Variants in UFD1 observed in about 807,000 individuals in gnomAD.
The protein encoded by UFD1 is ubiquitin recognition factor in ER-associated degradation protein 1.
In UFD1, 13 loss-of-function variants were observed where a neutral mutation model predicts 45.9. That is an observed-to-expected ratio of 0.28 (90% CI 0.18 to 0.45). The LOEUF is 0.45. Among genes scored for constraint, UFD1 ranks in the 20% least tolerant of loss-of-function variants. The probability of loss-of-function intolerance (pLI) is 1.00; values close to 1 mark genes in which losing one functional copy is unlikely to be tolerated. For missense variants in UFD1, 218 were observed against 389.2 expected (o/e 0.56, Z 3.70); for synonymous variants, 128 against 139.2 (o/e 0.92, Z 0.56).
intron 11 of UFD1, chr22:19,451,059 G>A (rs1601883117): frequency 2.6e-5 from 27 of 1,027,292 alleles, no homozygotes; most frequent in Middle Eastern, 4.8e-4. Context: ...GGGCCATAGT[G>A]AGCTATGATT....
rs991022431 is a variant in UFD1, at chr22:19,455,787, A to G, written c.679-19T>C. 6.2e-7 allele frequency: 1 copy of G among 1,612,204 alleles called. No homozygotes were observed. The highest frequency in any genetic ancestry group is 8.5e-7 in the Non-Finnish European group (1 of 1,178,292). ...AGAAAGCCTAGACAGGAAGTAGGTG[A>G]GTCATATAATAAGCCCAAGTGTGAG... On this transcript the variant is annotated intron_variant, in intron 9 of 11. Coordinates refer to ENST00000263202, the MANE Select transcript of UFD1 (RefSeq NM_005659.7).
At chr22:19,474,242 G>A (rs551474142) in intron 3 of UFD1, among the ~76,000 whole-genome samples, 141 of 152,232 alleles carry the variant, frequency 9.3e-4, no homozygotes, top group Non-Finnish European at 1.8e-3. Context: ...TGGTGCACTG[G>A]AGATTAGAAA....
rs1380623295 is a variant in UFD1 at position 19,475,524 on chromosome 22, C to G, written c.82G>C (p.Val28Leu). 6.2e-7 allele frequency: 1 copy of G among 1,614,156 alleles called. No individual in the cohort carries two copies. Among genetic ancestry groups the G allele is most frequent in the Non-Finnish European group, 8.5e-7 (1 of 1,180,028 alleles). ...TCATTAGGCCCTGCTAGCATGGACA[C>G]AGAGAAGCAGCGGTACTGTGTGGAG... Reference protein sequence around the residue: ...RFSTQYRCFSVSMLAGPNDRS... With the variant: ...RFSTQYRCFSLSMLAGPNDRS... The change falls in exon 2 of 12, where the codon GTG becomes CTG. Residue 28 changes from valine to leucine, a missense_variant. By Grantham distance (32) the Val-to-Leu change is conservative (BLOSUM62 1). Around this residue, in one of 2 missense-constraint regions of UFD1, gnomAD observed 149 missense variants for 307.5 expected, o/e 0.48. Coordinates refer to ENST00000263202, the MANE Select transcript of UFD1 (RefSeq NM_005659.7).
chr22:19,471,625 G>A (rs1251906281), intron 4 of UFD1, 62 bp downstream of exon 4: 42 of 1,587,060 alleles, frequency 2.6e-5, no homozygotes, highest in Admixed American at 1.7e-4. Flanking sequence ...CAGGACTCTC[G>A]AGTGCAGGAG....
chr22:19,456,473 G>A, intron 9 of UFD1, 114 bp downstream of exon 9: 1 of 1,415,176 alleles, frequency 7.1e-7, no homozygotes, highest in African/African-American at 1.4e-5. Flanking sequence ...CAGGTACCCA[G>A]AGGCCTAACC....
At chr22:19,458,856 C>G (rs1456521465) in intron 6 of UFD1, among the ~76,000 whole-genome samples, 4 of 152,222 alleles carry the variant, frequency 2.6e-5, no homozygotes, top group Non-Finnish European at 4.4e-5. Context: ...TATGATGGAA[C>G]CAAGTCCCAT....
At chr22:19,456,436 T>C in intron 9 of UFD1, 151 bp downstream of exon 9, 1 of 1,005,284 alleles carries the variant, frequency 9.9e-7, no homozygotes, top group Admixed American at 1.9e-5. Flanking sequence ...GTTTGGTAAC[T>C]GAGCGAGTGG....
chr22:19,471,584 G>A, intron 4 of UFD1, 103 bp downstream of exon 4: 1 of 1,502,158 alleles, frequency 6.7e-7, no homozygotes, highest in Non-Finnish European at 9.0e-7. Flanking sequence ...CGCTGAGCAG[G>A]AGGAGTAGGC....
At chr22:19,468,025 A>G in intron 4 of UFD1, 22 bp from the exon 5 acceptor site, 1 of 1,613,468 alleles carries the variant, frequency 6.2e-7, no homozygotes, top group South Asian at 1.1e-5. Context: ...AAGAGGCTAC[A>G]TGAGACTCCT....
chr22:19,460,080 C>T (rs548703945), intron 6 of UFD1, among the ~76,000 whole-genome samples: 1 of 151,778 alleles, frequency 6.6e-6, no homozygotes, highest in Non-Finnish European at 1.5e-5. Flanking sequence ...TCTGGATAGT[C>T]CCACCATTTA....
In UFD1 at chr22:19,455,662, G is replaced by A. The variant is rs748493687; in HGVS notation, c.767+18C>T. On this transcript the variant is annotated intron_variant, in intron 10 of 11. Transcript: ENST00000263202. ...CAGATCCTCCTCCTGTCCTGGAGGA[G>A]AGCCAGGACAGACCTACCTTTTAAT... The A allele has an allele frequency of 6.2e-6, 10 of 1,610,242 alleles. No individual in the cohort carries two copies. The highest frequency in any genetic ancestry group is 7.6e-6 in the Non-Finnish European group (9 of 1,176,996).
rs375825138 is a variant in UFD1, at chr22:19,471,846, T to C, written c.170-38A>G. The C allele has an allele frequency of 2.2e-5, 35 of 1,599,024 alleles. 2 individuals carry two copies. In the South Asian group the frequency reaches 2.2e-4, roughly 10 times the overall value. ...GAGAGACTATGAGGCACAGCTCCTA[T>C]GAAGGGACACCTGTTCGGCCCACGC... On this transcript the variant is annotated intron_variant, in intron 3 of 11. Transcript: ENST00000263202.
At chr22:19,463,561 G>GT (rs1211697853) in intron 6 of UFD1, among the ~76,000 whole-genome samples, 4 of 152,172 alleles carry the variant, frequency 2.6e-5, no homozygotes, top group Non-Finnish European at 5.9e-5. Context: ...TCCCAAAGAC[G>GT]TAACTAAACT....
intron 6 of UFD1, among the ~76,000 whole-genome samples, chr22:19,458,574 G>C (rs1030499505): frequency 4.6e-5 from 7 of 152,160 alleles, no homozygotes; most frequent in African/African-American, 1.7e-4. Context: ...CTCCCTAGTA[G>C]CTGGGACTAT....
At position 19,477,846 on chromosome 22, in the gene UFD1, T is replaced by C. The variant is rs569435213; in HGVS notation, c.3+1237A>G. On this transcript the variant is annotated intron_variant, in intron 1 of 11. Coordinates refer to ENST00000263202, the MANE Select transcript of UFD1 (RefSeq NM_005659.7). ...CTCCCAAAATGCAAACATAGCATGT[T>C]CCCGCCTAAAATCTGGGATGGTTCT... is the stretch of plus-strand genomic sequence containing the variant. Among the ~76,000 whole-genome samples the C allele has an allele frequency of 1.2e-4, 18 of 152,328 alleles. 1 individual carries two copies. In the South Asian group the frequency reaches 3.5e-3, roughly 30 times the overall value.
chr22:19,470,151 A>G (rs1425140223), intron 4 of UFD1: 7 of 448,044 alleles, frequency 1.6e-5, no homozygotes, highest in Middle Eastern at 6.9e-4. Context: ...GGGGCTGAGC[A>G]GCAAATACTG....
chr22:19,456,837 T>G lies in UFD1; in HGVS notation c.630+16A>C. On this transcript the variant is annotated intron_variant, in intron 8 of 11. Coordinates refer to ENST00000263202, the MANE Select transcript of UFD1 (RefSeq NM_005659.7). ...CATGCAGCAGGACAGCAAAGGACAC[T>G]GAGGATAACACTTACTGTCGACTCC... 1 of 1,614,120 alleles carries G rather than the reference T, an allele frequency of 6.2e-7. No homozygotes were observed. Among genetic ancestry groups the G allele is most frequent in the Non-Finnish European group, 8.5e-7 (1 of 1,180,010 alleles).
chr22:19,450,864 G>C, intron 11 of UFD1, 120 bp from the exon 12 acceptor site: 1 of 1,555,044 alleles, frequency 6.4e-7, no homozygotes, highest in South Asian at 1.2e-5. Context: ...GGCTGGACAC[G>C]ATAGCTGACA....
At chr22:19,458,389 A>T (rs1193184697) in intron 6 of UFD1, among the ~76,000 whole-genome samples, 1 of 152,248 alleles carries the variant, frequency 6.6e-6, no homozygotes, top group African/African-American at 2.4e-5. Flanking sequence ...AGCTAACTGC[A>T]AAAGACACTA....
Sources: gnomAD v4.1 joint callset for allele counts (sites outside exome capture counted in the v4.1 genomes callset) on GRCh38, gnomAD v4.1.1 for gene constraint, gnomAD v4.1.1 regional missense constraint, MANE v1.5 for transcripts, NCBI Gene and HGNC (gene_info 2026-07-23, HGNC 2026-07-21) for gene names.